The following PLXNC1 variants were observed in gnomAD, a reference collection of about 807,000 sequenced individuals.
The protein encoded by PLXNC1 is plexin-C1.
A neutral mutation model predicts 178.2 loss-of-function variants in PLXNC1; 75 were observed. The ratio of observed to expected loss-of-function variants is 0.42; its 90% CI spans 0.35 to 0.51. The LOEUF is 0.51. Among genes scored for constraint, PLXNC1 ranks in the 20% least tolerant of loss-of-function variants. PLXNC1 has a pLI of 0.02. For synonymous variants in PLXNC1, 790 were observed against 779.9 expected (o/e 1.01, Z -0.22); for missense variants, 1,503 against 1,984.4 (o/e 0.76, Z 4.61).
At chr12:94,291,281 G>C (rs1967292094) in intron 23 of PLXNC1, among the ~76,000 whole-genome samples, 1 of 152,230 alleles carries the variant, frequency 6.6e-6, no homozygotes, top group Non-Finnish European at 1.5e-5. Context: ...TGTTGCCCAG[G>C]CTGGAGTGCA....
chr12:94,169,365 T>A, intron 2 of PLXNC1, 72 bp downstream of exon 2: 1 of 1,389,458 alleles, frequency 7.2e-7, no homozygotes, highest in South Asian at 1.2e-5. Flanking sequence ...AACATTTTTT[T>A]AATGCTTCTG....
In PLXNC1 at chr12:94,204,201, T is replaced by C. The variant is rs147320327; in HGVS notation, c.1440-5389T>C. On this transcript the variant is annotated intron_variant, in intron 4 of 30. Coordinates refer to ENST00000258526, the MANE Select transcript of PLXNC1 (RefSeq NM_005761.3). ...CACTATTAGCTATTCTGAGAGGCAA[T>C]ATAGGTAGCTGATGAGACCACAGGC... Among the ~76,000 whole-genome samples the C allele has an allele frequency of 7.9e-4, 120 of 152,278 alleles. 1 individual carries two copies. The highest frequency in any genetic ancestry group is 2.6e-3 in the African/African-American group (107 of 41,560).
At chr12:94,276,430 G>T (rs1057275270) in intron 21 of PLXNC1, among the ~76,000 whole-genome samples, 5 of 122,176 alleles carry the variant, frequency 4.1e-5, no homozygotes, top group African/African-American at 1.5e-4. Context: ...CTAAGCCAGG[G>T]TTTCTGGAGG....
chr12:94,160,518 G>A (rs879360438), intron 1 of PLXNC1, among the ~76,000 whole-genome samples: 6 of 152,096 alleles, frequency 3.9e-5, no homozygotes, highest in African/African-American at 9.7e-5. Context: ...CCTGATCATC[G>A]CCCCTTGGTC....
intron 9 of PLXNC1, chr12:94,227,585 G>T: frequency 4.3e-6 from 1 of 230,648 alleles, no homozygotes; most frequent in Non-Finnish European, 8.7e-6. Flanking sequence ...GCGTTTCTGG[G>T]GGTTATGTGT....
At position 94,280,775 on chromosome 12, in the gene PLXNC1, C is replaced by T. The variant is rs369129836; in HGVS notation, c.3775+1126C>T. Among the ~76,000 whole-genome samples, 449 of 152,332 alleles carry T rather than the reference C, an allele frequency of 2.9e-3. 1 individual carries two copies. The highest frequency in any genetic ancestry group is 9.8e-3 in the African/African-American group (406 of 41,564). On this transcript the variant is annotated intron_variant, in intron 22 of 30. Coordinates refer to ENST00000258526, the MANE Select transcript of PLXNC1 (RefSeq NM_005761.3). ...CACTACAAAGGACATGGGCATACCCCGCCCGACAGTCTTGGTCCTGCCGCT... is the reference window on the plus strand; with the variant it reads ...CACTACAAAGGACATGGGCATACCCTGCCCGACAGTCTTGGTCCTGCCGCT...
chr12:94,258,180 G>T (rs1002295378), intron 17 of PLXNC1, among the ~76,000 whole-genome samples: 1 of 152,110 alleles, frequency 6.6e-6, no homozygotes, highest in Non-Finnish European at 1.5e-5. Context: ...CGGCACTTCC[G>T]TATTTACGAT....
chr12:94,188,821 T>G (rs1235193455), intron 4 of PLXNC1, among the ~76,000 whole-genome samples: 1 of 152,214 alleles, frequency 6.6e-6, no homozygotes, highest in Admixed American at 6.5e-5. Flanking sequence ...CCCCTCACCC[T>G]CAGTGGTAGG....
intron 1 of PLXNC1, among the ~76,000 whole-genome samples, chr12:94,160,616 G>A (rs960767040): frequency 3.3e-5 from 5 of 152,136 alleles, no homozygotes; most frequent in African/African-American, 1.2e-4. Flanking sequence ...GCAATAGAGG[G>A]GGGAATAGCC....
intron 5 of PLXNC1, among the ~76,000 whole-genome samples, chr12:94,216,830 G>C (rs1963658702): frequency 6.6e-6 from 1 of 152,112 alleles, no homozygotes; most frequent in Admixed American, 6.6e-5. Context: ...CGGGCTAATT[G>C]ACACCCCAGC....
intron 15 of PLXNC1, among the ~76,000 whole-genome samples, chr12:94,253,216 A>T (rs1466669848): frequency 7.6e-6 from 1 of 131,120 alleles, no homozygotes; most frequent in Non-Finnish European, 1.5e-5. Context: ...TCTCAGAAAA[A>T]AAAAAAAAAA....
At chr12:94,209,860 C>G (rs1429969339) in intron 5 of PLXNC1, among the ~76,000 whole-genome samples, 156 bp downstream of exon 5, 2 of 152,060 alleles carry the variant, frequency 1.3e-5, no homozygotes, top group Non-Finnish European at 2.9e-5. Flanking sequence ...ATTGAGTGCC[C>G]ACCAGATGCC....
intron 23 of PLXNC1, among the ~76,000 whole-genome samples, chr12:94,293,449 C>G (rs979204524): frequency 5.9e-5 from 9 of 152,198 alleles, no homozygotes; most frequent in African/African-American, 1.9e-4. Flanking sequence ...ATACCATTGA[C>G]TGGGTGGCTT....
At chr12:94,186,922 T>G (rs1356510564) in intron 4 of PLXNC1, among the ~76,000 whole-genome samples, 1 of 152,230 alleles carries the variant, frequency 6.6e-6, no homozygotes, top group African/African-American at 2.4e-5. Context: ...CGTCTCCTAA[T>G]GCGCCGCGCA....
At chr12:94,193,545 C>G (rs1962800578) in intron 4 of PLXNC1, among the ~76,000 whole-genome samples, 1 of 152,166 alleles carries the variant, frequency 6.6e-6, no homozygotes, top group African/African-American at 2.4e-5. Context: ...CTCCTTTGAT[C>G]TCAGTCTTCA....
chr12:94,172,632 G>C (rs899236456), intron 2 of PLXNC1, among the ~76,000 whole-genome samples: 4 of 152,110 alleles, frequency 2.6e-5, no homozygotes, highest in African/African-American at 9.7e-5. Flanking sequence ...GTCAGGTTTT[G>C]CATCCTTTTC....
chr12:94,149,128 C>G lies in PLXNC1; in HGVS notation c.157C>G (p.Gln53Glu). ...EQAIGAIAAS[Q>E]EDGVFVASGS... ...AGCCATCGGAGCCATCGCGGCGAGCCAGGAGGACGGCGTGTTTGTGGCGAG... is the reference window on the plus strand; with the variant it reads ...AGCCATCGGAGCCATCGCGGCGAGCGAGGAGGACGGCGTGTTTGTGGCGAG... Residue 53 changes from glutamine (Q) to glutamate (E), a missense_variant, in exon 1 of 31, where the codon CAG becomes GAG. Transcript: ENST00000258526. The G allele has an allele frequency of 6.3e-7, 1 of 1,589,410 alleles. No homozygotes were observed. The highest frequency in any genetic ancestry group is 8.5e-7 in the Non-Finnish European group (1 of 1,172,618).
At chr12:94,289,368 G>T (rs1285501720) in intron 23 of PLXNC1, among the ~76,000 whole-genome samples, 1 of 152,210 alleles carries the variant, frequency 6.6e-6, no homozygotes. Flanking sequence ...ATCGCTTGTT[G>T]TCACATCGAA....
At chr12:94,253,008 C>T (rs374633804) in intron 15 of PLXNC1, among the ~76,000 whole-genome samples, 24 of 152,014 alleles carry the variant, frequency 1.6e-4, no homozygotes, top group African/African-American at 2.4e-4. Flanking sequence ...GTCAGCAGAT[C>T]GAGACCATCC....
Sources: gnomAD v4.1 joint callset for allele counts (sites outside exome capture counted in the v4.1 genomes callset) on GRCh38, gnomAD v4.1.1 for gene constraint, MANE v1.5 for transcripts, NCBI Gene and HGNC (gene_info 2026-07-23, HGNC 2026-07-21) for gene names.